Variants in TSNARE1 observed in about 807,000 individuals in gnomAD.
TSNARE1 encodes t-SNARE domain-containing protein 1.
A neutral mutation model predicts 62.0 loss-of-function variants in TSNARE1; 49 were observed. The ratio of observed to expected loss-of-function variants is 0.79; its 90% CI spans 0.63 to 1.00. The LOEUF (loss-of-function observed/expected upper bound fraction) is 1.00, where lower values mean the gene tolerates loss of function less well. Among genes scored for constraint, TSNARE1 ranks in the 50% least tolerant of loss-of-function variants. The pLI, the probability that TSNARE1 is intolerant of heterozygous loss-of-function variation, is 0.00. For missense variants in TSNARE1, 755 were observed against 700.1 expected (o/e 1.08, Z -0.88); for synonymous variants, 328 against 294.4 (o/e 1.11, Z -1.17).
intron 5 of TSNARE1, 82 bp from the exon 6 acceptor site, chr8:142,331,052 G>C: frequency 7.7e-7 from 1 of 1,306,476 alleles, no homozygotes; most frequent in Non-Finnish European, 1.1e-6. Flanking sequence ...CCCCACTGCA[G>C]CCCGGGCAGG....
At chr8:142,239,693 A>G (rs1214608586) in intron 12 of TSNARE1, among the ~76,000 whole-genome samples, 1 of 152,224 alleles carries the variant, frequency 6.6e-6, no homozygotes, top group Admixed American at 6.5e-5. Flanking sequence ...GGAAAACCCG[A>G]GTGGGGCCTG....
At chr8:142,300,185 G>C (rs1202213141) in intron 10 of TSNARE1, 1 of 281,022 alleles carries the variant, frequency 3.6e-6, no homozygotes, top group Admixed American at 5.0e-5. Context: ...CAAATGAAAT[G>C]GCCATGGTGA....
At chr8:142,294,843 G>C (rs538912507) in intron 10 of TSNARE1, among the ~76,000 whole-genome samples, 1 of 152,228 alleles carries the variant, frequency 6.6e-6, no homozygotes, top group African/African-American at 2.4e-5. Flanking sequence ...CTGCTGCTCA[G>C]ACACAATTGA....
intron 10 of TSNARE1, among the ~76,000 whole-genome samples, chr8:142,285,909 C>T (rs1422002107): frequency 4.6e-5 from 7 of 152,230 alleles, no homozygotes; most frequent in African/African-American, 1.4e-4. Context: ...AGGCACATAC[C>T]ATCCCCTTCA....
At chr8:142,364,638 T>A (rs1177221999) in intron 1 of TSNARE1, among the ~76,000 whole-genome samples, 1 of 152,182 alleles carries the variant, frequency 6.6e-6, no homozygotes, top group Non-Finnish European at 1.5e-5. Flanking sequence ...AAGATAAGTC[T>A]GGATCATGGA....
At chr8:142,249,440 G>A (rs541427660) in intron 12 of TSNARE1, among the ~76,000 whole-genome samples, 1 of 152,254 alleles carries the variant, frequency 6.6e-6, no homozygotes, top group South Asian at 2.1e-4. Flanking sequence ...GGGGACAGCC[G>A]ACCTGGAAAG....
intron 4 of TSNARE1, among the ~76,000 whole-genome samples, chr8:142,342,582 C>G (rs1832727717): frequency 1.3e-5 from 2 of 152,222 alleles, no homozygotes; most frequent in Admixed American, 1.3e-4. Context: ...AGTGCAGGAA[C>G]CAGGCTGCCG....
chr8:142,347,898 A>G (rs577762583), intron 2 of TSNARE1, among the ~76,000 whole-genome samples: 22 of 147,106 alleles, frequency 1.5e-4, no homozygotes, highest in African/African-American at 3.3e-4. Context: ...TCATCACCTC[A>G]CCACACTGCA....
At chr8:142,228,755 G>A (rs1816952599) in intron 13 of TSNARE1, among the ~76,000 whole-genome samples, 1 of 152,192 alleles carries the variant, frequency 6.6e-6, no homozygotes, top group African/African-American at 2.4e-5. Flanking sequence ...CAAACACATA[G>A]AGGATGATGA....
intron 12 of TSNARE1, among the ~76,000 whole-genome samples, chr8:142,262,116 C>T (rs1413716137): frequency 6.6e-6 from 1 of 152,214 alleles, no homozygotes; most frequent in Non-Finnish European, 1.5e-5. Flanking sequence ...AGGCCTGCGG[C>T]GACTCCGTGG....
chr8:142,220,115 C>G (rs1453527152), intron 13 of TSNARE1, among the ~76,000 whole-genome samples: 2 of 152,218 alleles, frequency 1.3e-5, no homozygotes, highest in African/African-American at 4.8e-5. Flanking sequence ...GTAACAGTAA[C>G]GCAGCCCGCA....
intron 12 of TSNARE1, among the ~76,000 whole-genome samples, chr8:142,254,432 C>A (rs2130312682): frequency 6.6e-6 from 1 of 152,336 alleles, no homozygotes. Flanking sequence ...CTGGAGCCTG[C>A]AGATGGACAG....
chr8:142,295,234 T>C (rs1181750052), intron 10 of TSNARE1, among the ~76,000 whole-genome samples: 10 of 152,232 alleles, frequency 6.6e-5, no homozygotes, highest in African/African-American at 2.4e-4. Context: ...TGGGAGATGG[T>C]GGGCAGCCCC....
At chr8:142,280,226 G>C (rs190357861) in intron 11 of TSNARE1, 1 of 985,262 alleles carries the variant, frequency 1.0e-6, no homozygotes, top group Non-Finnish European at 1.2e-6. Context: ...GGGCCCGGCC[G>C]CAGGGGTGTG....
At chr8:142,333,734 C>A (rs1831373279) in intron 4 of TSNARE1, among the ~76,000 whole-genome samples, 1 of 152,332 alleles carries the variant, frequency 6.6e-6, no homozygotes, top group East Asian at 1.9e-4. Flanking sequence ...CAAGTCCTGG[C>A]CCCCTGCACA....
chr8:142,294,084 G>C (rs1397925353), intron 10 of TSNARE1, among the ~76,000 whole-genome samples: 11 of 152,168 alleles, frequency 7.2e-5, no homozygotes, highest in Admixed American at 4.6e-4. Context: ...CCAGGGAGGG[G>C]AGGAAAGAGC....
intron 1 of TSNARE1, among the ~76,000 whole-genome samples, chr8:142,401,207 T>A (rs1587174644): frequency 6.6e-6 from 1 of 152,074 alleles, no homozygotes; most frequent in East Asian, 1.9e-4. Context: ...ACGTGTCCAG[T>A]GTATTTATTC....
intron 4 of TSNARE1, among the ~76,000 whole-genome samples, chr8:142,338,620 GGCTGCCAGGCTCT>G (rs2129925799): frequency 6.6e-6 from 1 of 152,378 alleles, no homozygotes; most frequent in African/African-American, 2.4e-5. Flanking sequence ...CAAGCTGACA[GGCTGCCAGGCTCT>G]GCTGCCACCA....
intron 12 of TSNARE1, among the ~76,000 whole-genome samples, chr8:142,268,972 A>AC (rs1311607109): frequency 2.0e-5 from 3 of 152,268 alleles, no homozygotes; most frequent in African/African-American, 7.2e-5. Flanking sequence ...AGTTACACTG[A>AC]TTTTTAACTG....
Sources: gnomAD v4.1 joint callset for allele counts (sites outside exome capture counted in the v4.1 genomes callset) on GRCh38, gnomAD v4.1.1 for gene constraint, MANE v1.5 for transcripts, NCBI Gene and HGNC (gene_info 2026-07-23, HGNC 2026-07-21) for gene names.